Variants in NDUFAF7 observed in about 807,000 individuals in gnomAD.
NDUFAF7 encodes the protein NADH:ubiquinone oxidoreductase complex assembly factor 7.
A neutral mutation model predicts 47.2 loss-of-function variants in NDUFAF7; 48 were observed. The ratio of observed to expected loss-of-function variants is 1.02; its 90% CI spans 0.81 to 1.29. The LOEUF (loss-of-function observed/expected upper bound fraction) is 1.29. NDUFAF7 is among the 50% of genes most tolerant of loss of function. The pLI, the probability that NDUFAF7 is intolerant of heterozygous loss-of-function variation, is 0.00. For missense variants in NDUFAF7, 635 were observed against 537.6 expected (o/e 1.18, Z -1.79); for synonymous variants, 217 against 190.0 (o/e 1.14, Z -1.17).
rs80067970 is a variant in NDUFAF7 at position 37,244,757 on chromosome 2, T to G, written c.792+784T>G. 7.6e-3 allele frequency among the ~76,000 whole-genome samples: 1,158 copies of G among 152,266 alleles called. 10 individuals carry two copies. Among genetic ancestry groups the G allele is most frequent in the African/African-American group, 0.026 (1,097 of 41,546 alleles). On this transcript the variant is annotated intron_variant, in intron 7 of 9. Coordinates refer to ENST00000002125, the MANE Select transcript of NDUFAF7 (RefSeq NM_144736.5). Reference sequence around the variant, plus strand: ...CTTAAATGTATGAATTAAGTTTTGTTAAGTATAAATTTAAATGTCAGACTG... The same window carrying G: ...CTTAAATGTATGAATTAAGTTTTGTGAAGTATAAATTTAAATGTCAGACTG...
At chr2:37,234,596 A>C (rs1449484591) in intron 2 of NDUFAF7, among the ~76,000 whole-genome samples, 1 of 152,204 alleles carries the variant, frequency 6.6e-6, no homozygotes, top group African/African-American at 2.4e-5. Context: ...TTATGAACGG[A>C]ACTAGAAAGC....
intron 1 of NDUFAF7, 56 bp from the exon 2 acceptor site, chr2:37,232,050 G>A: frequency 6.2e-7 from 1 of 1,613,652 alleles, no homozygotes; most frequent in Non-Finnish European, 8.5e-7. Flanking sequence ...CAGGCGGCTT[G>A]CGCTCGTGAA....
intron 2 of NDUFAF7, among the ~76,000 whole-genome samples, chr2:37,233,931 C>G (rs1276367741): frequency 6.6e-6 from 1 of 152,194 alleles, no homozygotes; most frequent in Non-Finnish European, 1.5e-5. Flanking sequence ...TACGCAGCAA[C>G]TAGTAGCATC....
chr2:37,269,529 G>A, the NDUFAF7 span: 2 of 1,193,768 alleles, frequency 1.7e-6, no homozygotes, highest in East Asian at 2.3e-5. Flanking sequence ...ACAAAACTAT[G>A]AGATGACAAA....
At position 37,232,265 on chromosome 2, in the gene NDUFAF7, A is replaced by C. The variant is rs763189981; in HGVS notation, c.215A>C (p.Lys72Thr). The change falls in exon 2 of 10, where the codon AAG becomes ACG. Residue 72 changes from lysine (K) to threonine (T), a missense_variant and splice_region_variant. By Grantham distance (78) the Lys-to-Thr change is moderately conservative. Transcript: ENST00000002125. The stretch of plus-strand genomic sequence containing the variant: ...AAGGAGGTGTTGACTAATCCAGCCA[A>C]GGTATGGGTCGGGTAGCCCGAGGAC... ...YMKEVLTNPA[K>T]GYYVYRDMLG... 4.3e-6 allele frequency: 7 copies of C among 1,612,754 alleles called. No individual in the cohort carries two copies. In the Admixed American group the frequency reaches 8.3e-5, roughly 19 times the overall value.
At chr2:37,262,121 C>T in the NDUFAF7 span, among the ~76,000 whole-genome samples, 38 of 152,258 alleles carry the variant, frequency 2.5e-4, no homozygotes, top group South Asian at 1.7e-3. Context: ...ATGACCCCGT[C>T]GCAAAATGAG....
At chr2:37,261,451 C>A in the NDUFAF7 span, among the ~76,000 whole-genome samples, 2 of 149,268 alleles carry the variant, frequency 1.3e-5, no homozygotes, top group African/African-American at 5.0e-5. Flanking sequence ...CATGCCATTG[C>A]ACTCCAGCCT....
chr2:37,255,842 C>T (rs1667888316), downstream of NDUFAF7, among the ~76,000 whole-genome samples: 1 of 152,026 alleles, frequency 6.6e-6, no homozygotes, highest in African/African-American at 2.4e-5. Flanking sequence ...CCCATCTCTA[C>T]AAAAAATTTA....
At chr2:37,249,429 T>C (rs1303568741), downstream of NDUFAF7, among the ~76,000 whole-genome samples, 1 of 152,000 alleles carries the variant, frequency 6.6e-6, no homozygotes, top group Non-Finnish European at 1.5e-5. Flanking sequence ...ATACAAAAAT[T>C]AGCCTGGTGT....
In NDUFAF7 at chr2:37,231,748, G is replaced by A. The variant is rs1001777658; in HGVS notation, c.43G>A (p.Val15Met). The change falls in exon 1 of 10, where the codon GTG becomes ATG. Residue 15 changes from valine to methionine, a missense_variant. By Grantham distance (21) the Val-to-Met change is conservative. Transcript: ENST00000002125. ...GTCAGGTTTGGGGCCGTTGTGTGCC[G>A]TGGCGCGCGCAGGTAAGCGTCAGTC... is the stretch of plus-strand genomic sequence containing the variant. ...LRSGLGPLCAVARAAIPFIWR... is the reference protein window; with the variant it reads ...LRSGLGPLCAMARAAIPFIWR... 3 of 1,614,204 alleles carry A rather than the reference G, an allele frequency of 1.9e-6. No homozygotes were observed. Among genetic ancestry groups the A allele is most frequent in the Non-Finnish European group, 2.5e-6 (3 of 1,180,030 alleles).
At chr2:37,232,440 C>T (rs1212398545) in intron 2 of NDUFAF7, among the ~76,000 whole-genome samples, 174 bp downstream of exon 2, 1 of 152,128 alleles carries the variant, frequency 6.6e-6, no homozygotes, top group Non-Finnish European at 1.5e-5. Flanking sequence ...GGCTGGCTCA[C>T]GTCAGAGGCA....
At chr2:37,232,338 C>A (rs533687995) in intron 2 of NDUFAF7, 72 bp downstream of exon 2, 3 of 1,585,724 alleles carry the variant, frequency 1.9e-6, no homozygotes, top group African/African-American at 2.7e-5. Flanking sequence ...GAGGGAGAAG[C>A]CCGAAGGTTC....
chr2:37,267,283 C>T, the NDUFAF7 span: 1 of 491,904 alleles, frequency 2.0e-6, no homozygotes. Context: ...AAACTACTAC[C>T]ATAAAGCAAG....
At chr2:37,271,065 A>G in the NDUFAF7 span, among the ~76,000 whole-genome samples, 1 of 152,094 alleles carries the variant, frequency 6.6e-6, no homozygotes, top group Non-Finnish European at 1.5e-5. Flanking sequence ...TTCTATCTCC[A>G]ATAACACTAC....
the NDUFAF7 span, chr2:37,267,361 A>AG: frequency 6.8e-4 from 748 of 1,104,832 alleles, 3 homozygotes; most frequent in African/African-American, 0.011. Context: ...AAAAAAAAAA[A>AG]AGAGAAGCAG....
At chr2:37,256,659 T>TTA, downstream of NDUFAF7, 1 of 1,169,794 alleles carries the variant, frequency 8.5e-7, no homozygotes, top group Non-Finnish European at 1.1e-6. Flanking sequence ...TTTTTTTTTT[T>TTA]ACCTTCACCA....
At chr2:37,244,010 A>G (rs1440056912) in intron 7 of NDUFAF7, 37 bp downstream of exon 7, 7 of 1,481,126 alleles carry the variant, frequency 4.7e-6, no homozygotes, top group Non-Finnish European at 6.6e-6. Context: ...TTTATTGCTC[A>G]CAGAATCTTC....
At chr2:37,235,520 G>C (rs1182268016) in intron 2 of NDUFAF7, among the ~76,000 whole-genome samples, 4 of 152,114 alleles carry the variant, frequency 2.6e-5, no homozygotes, top group Non-Finnish European at 5.9e-5. Context: ...GGTCTGGCGT[G>C]CAGAGATGGA....
intron 8 of NDUFAF7, chr2:37,247,235 G>T: frequency 6.9e-6 from 4 of 580,988 alleles, no homozygotes; most frequent in Non-Finnish European, 6.2e-6. Context: ...TTTTTTTATG[G>T]CTGTGTAGTA....
Sources: gnomAD v4.1 joint callset for allele counts (sites outside exome capture counted in the v4.1 genomes callset) on GRCh38, gnomAD v4.1.1 for gene constraint, MANE v1.5 for transcripts, NCBI Gene and HGNC (gene_info 2026-07-23, HGNC 2026-07-21) for gene names.